Variants in CNTNAP2 observed in about 807,000 individuals in gnomAD.
CNTNAP2 encodes the protein contactin associated protein 2.
Under a neutral mutation model 155.2 loss-of-function variants are expected in CNTNAP2, and 98 were observed. The observed-to-expected ratio is 0.63, with a 90% CI of 0.54 to 0.75. CNTNAP2 has a LOEUF of 0.75. Among genes scored for constraint, CNTNAP2 ranks in the 30% least tolerant of loss-of-function variants. CNTNAP2 has a pLI of 0.00. For synonymous variants in CNTNAP2, 651 were observed against 631.2 expected, an observed-to-expected ratio of 1.03 and a Z score of -0.47; for missense variants, 1,727 against 1,688.1, an observed-to-expected ratio of 1.02 and a Z score of -0.40.
chr7:146,941,290 A>G (rs1797050780), intron 3 of CNTNAP2, among the ~76,000 whole-genome samples: 1 of 152,096 alleles, frequency 6.6e-6, no homozygotes, highest in Non-Finnish European at 1.5e-5. Flanking sequence ...GATTATCATG[A>G]AGCTTGCAAA....
Position 146,196,895 on chromosome 7 carries a change from A to T in CNTNAP2, c.97+79922A>T, listed in dbSNP as rs115337827. Among the ~76,000 whole-genome samples, 1,297 of 152,182 alleles carry T rather than the reference A, an allele frequency of 8.5e-3. 21 individuals carry two copies. Among genetic ancestry groups the T allele is most frequent in the African/African-American group, 0.03 (1,235 of 41,518 alleles). ...CTAGTACTCTAGGAGGCTTCATTTTATTTCCACTAATGACAGTTTATCTTC... is the reference window on the plus strand; with the variant it reads ...CTAGTACTCTAGGAGGCTTCATTTTTTTTCCACTAATGACAGTTTATCTTC... On this transcript the variant is annotated intron_variant, in intron 1 of 23. Coordinates refer to ENST00000361727, the MANE Select transcript of CNTNAP2 (RefSeq NM_014141.6).
chr7:146,936,190 A>C (rs1796910311), intron 3 of CNTNAP2, among the ~76,000 whole-genome samples: 1 of 152,166 alleles, frequency 6.6e-6, no homozygotes, highest in Admixed American at 6.5e-5. Flanking sequence ...GGAATTCTTA[A>C]AACAAAATTA....
At chr7:147,483,577 TC>T (rs957169220) in intron 10 of CNTNAP2, among the ~76,000 whole-genome samples, 3 of 152,096 alleles carry the variant, frequency 2.0e-5, no homozygotes, top group Non-Finnish European at 4.4e-5. Context: ...CTGCACTACT[TC>T]CCCCGAATTA....
At chr7:146,360,951 G>C (rs1338424095) in intron 1 of CNTNAP2, among the ~76,000 whole-genome samples, 1 of 152,090 alleles carries the variant, frequency 6.6e-6, no homozygotes, top group Admixed American at 6.6e-5. Context: ...CACTTGTCAG[G>C]TGCATTCATT....
intron 13 of CNTNAP2, among the ~76,000 whole-genome samples, chr7:147,878,454 A>G (rs2116711924): frequency 6.8e-6 from 1 of 146,422 alleles, no homozygotes; most frequent in East Asian, 2.0e-4. Context: ...TTTTTTTTTG[A>G]GATGTCTTTG....
rs909113992 is a variant in CNTNAP2, at chr7:146,356,522, A to G, written c.97+239549A>G. On this transcript the variant is annotated intron_variant, in intron 1 of 23. Transcript: ENST00000361727. ...TCTCTCAAACATTGACATGAGAACA[A>G]GACAGTGTAAGACAGTGGAATCAAT... Among the ~76,000 whole-genome samples the G allele has an allele frequency of 2.6e-5, 4 of 152,322 alleles. No homozygotes were observed. The East Asian group carries it at 7.7e-4, about 29-fold the overall frequency.
intron 20 of CNTNAP2, among the ~76,000 whole-genome samples, chr7:148,254,898 C>T (rs1585220070): frequency 1.3e-5 from 2 of 152,014 alleles, no homozygotes; most frequent in East Asian, 1.9e-4. Context: ...CCCTTTTCCA[C>T]GCATTTGTTT....
At chr7:146,297,111 A>AT (rs1228712157) in intron 1 of CNTNAP2, among the ~76,000 whole-genome samples, 1 of 151,996 alleles carries the variant, frequency 6.6e-6, no homozygotes, top group Non-Finnish European at 1.5e-5. Context: ...TGTTAATTCA[A>AT]TTTTTTTCTT....
At chr7:147,338,153 T>C (rs34784405) in intron 9 of CNTNAP2, among the ~76,000 whole-genome samples, 24,880 of 151,970 alleles carry the variant, frequency 0.16, 2,354 homozygotes, top group East Asian at 0.35. Flanking sequence ...CTTACAATCA[T>C]GGTGGAAGGG....
intron 21 of CNTNAP2, among the ~76,000 whole-genome samples, chr7:148,302,300 A>C (rs925649341): frequency 1.3e-5 from 2 of 152,240 alleles, no homozygotes; most frequent in Non-Finnish European, 2.9e-5. Context: ...AAAAGTTTAG[A>C]TGTACATTAA....
intron 18 of CNTNAP2, among the ~76,000 whole-genome samples, chr7:148,205,756 T>C (rs1795438621): frequency 6.6e-6 from 1 of 152,214 alleles, no homozygotes; most frequent in Non-Finnish European, 1.5e-5. Flanking sequence ...GAATATACTA[T>C]TGCAATTAAA....
Position 148,415,541 on chromosome 7 carries a change from G to T in CNTNAP2, c.3921G>T (p.Ala1307=), listed in dbSNP as rs750224036. 1.1e-5 allele frequency: 17 copies of T among 1,614,124 alleles called. No homozygotes were observed. The highest frequency in any genetic ancestry group is 1.3e-5 in the Non-Finnish European group (15 of 1,180,064). Residue 1307 remains alanine, a synonymous_variant, in exon 24 of 24, where the codon GCG becomes GCT. Transcript: ENST00000361727. ...AGGGGGCGGAGTCGGCAGAGAGCGC[G>T]GACGCCGCCATCATGAACAACGACC... is the stretch of plus-strand genomic sequence containing the variant. ...EAKGAESAES[A]DAAIMNNDPN...
intron 1 of CNTNAP2, among the ~76,000 whole-genome samples, chr7:146,711,358 TATAC>T (rs1360387339): frequency 1.4e-5 from 2 of 147,248 alleles, no homozygotes; most frequent in South Asian, 2.1e-4. Context: ...ATATGTATAA[TATAC>T]ATATATATCC....
chr7:146,743,422 T>C (rs1171090020), intron 1 of CNTNAP2, among the ~76,000 whole-genome samples: 3 of 152,198 alleles, frequency 2.0e-5, no homozygotes, highest in Admixed American at 2.0e-4. Flanking sequence ...CTGGAATTTG[T>C]CTTTGAATGC....
chr7:147,811,433 T>C (rs1168692414), intron 13 of CNTNAP2, among the ~76,000 whole-genome samples: 3 of 152,072 alleles, frequency 2.0e-5, no homozygotes, highest in Non-Finnish European at 4.4e-5. Context: ...AGTTTCACAG[T>C]GTCACCAAAT....
At chr7:147,331,936 A>G (rs6973542) in intron 9 of CNTNAP2, among the ~76,000 whole-genome samples, 59,049 of 151,942 alleles carry the variant, frequency 0.39, 11,807 homozygotes, top group South Asian at 0.49. Context: ...AGCTGGCTTT[A>G]CTGTTCACAA....
chr7:148,071,421 G>T (rs1368870251), intron 15 of CNTNAP2, among the ~76,000 whole-genome samples: 1 of 152,202 alleles, frequency 6.6e-6, no homozygotes, highest in African/African-American at 2.4e-5. Flanking sequence ...GGAGGTTGCA[G>T]TGAGCCAAGA....
rs1177427259 is a variant in CNTNAP2, at chr7:147,301,590, CTCTGTGTGTGTGTGTGTGTGTG to C, written c.1498+1302_1498+1323del. Among the ~76,000 whole-genome samples the C allele has an allele frequency of 3.3e-3, 366 of 111,638 alleles. 1 individual carries two copies. Among genetic ancestry groups the C allele is most frequent in the South Asian group, 0.011 (31 of 2,712 alleles). 73.2% of individuals were successfully genotyped at this position (111,638 alleles called of 152,430 possible). ...GTTATATAGCTCTCTCTCTCTCTCTCTCTGTGTGTGTGTGTGTGTGTGTGTGTGTGTGTGTGTGTGTGTGTGT... is the reference window on the plus strand; with the variant it reads ...GTTATATAGCTCTCTCTCTCTCTCTCTGTGTGTGTGTGTGTGTGTGTGTGT... On this transcript the variant is annotated intron_variant, in intron 9 of 23. Coordinates refer to ENST00000361727, the MANE Select transcript of CNTNAP2 (RefSeq NM_014141.6).
chr7:146,207,695 G>T (rs1488409342), intron 1 of CNTNAP2, among the ~76,000 whole-genome samples: 1 of 140,696 alleles, frequency 7.1e-6, no homozygotes, highest in Non-Finnish European at 1.5e-5. Flanking sequence ...TTGAGGCATG[G>T]TTATTAGCAA....
Sources: allele counts gnomAD v4.1 joint callset (sites outside exome capture counted in the v4.1 genomes callset), GRCh38; gene constraint gnomAD v4.1.1; transcripts MANE v1.5; gene names NCBI Gene and HGNC (gene_info 2026-07-23, HGNC 2026-07-21).